RANBP2: variants seen among roughly 807,000 people sequenced by gnomAD.
The protein encoded by RANBP2 is RAN binding protein 2.
In RANBP2, 57 loss-of-function variants were observed where a neutral mutation model predicts 303.6. The observed-to-expected ratio is 0.19, with a 90% CI of 0.15 to 0.23. The LOEUF (loss-of-function observed/expected upper bound fraction) is 0.23, where lower values mean the gene tolerates loss of function less well. Among genes scored for constraint, RANBP2 ranks in the 10% least tolerant of loss-of-function variants. RANBP2 has a pLI of 1.00. For synonymous variants in RANBP2, 1,167 were observed against 1,301.5 expected, an observed-to-expected ratio of 0.90 and a Z score of 2.23; for missense variants, 3,138 against 3,780.8, an observed-to-expected ratio of 0.83 and a Z score of 4.46.
chr2:109,170,694 G>A, the RANBP2 span, among the ~76,000 whole-genome samples: 5 of 152,140 alleles, frequency 3.3e-5, no homozygotes, highest in Non-Finnish European at 1.5e-5. Flanking sequence ...ACAGTCTGAG[G>A]TTGTTATTTG....
At chr2:109,577,250 T>C in the RANBP2 span, among the ~76,000 whole-genome samples, 1 of 152,182 alleles carries the variant, frequency 6.6e-6, no homozygotes, top group Admixed American at 6.5e-5. Context: ...TTTTGGTTAA[T>C]AGATGGTAAT....
At chr2:109,129,941 G>T in the RANBP2 span, 1 of 1,472,712 alleles carries the variant, frequency 6.8e-7, no homozygotes. Flanking sequence ...CCCGGCGGCA[G>T]CCCGCCCGCG....
the RANBP2 span, among the ~76,000 whole-genome samples, chr2:109,436,115 G>T: frequency 1.3e-5 from 2 of 152,194 alleles, no homozygotes; most frequent in African/African-American, 4.8e-5. Flanking sequence ...TGGCTTCTTG[G>T]TGTGTCTTGA....
the RANBP2 span, among the ~76,000 whole-genome samples, chr2:109,378,879 A>G: frequency 3.4e-4 from 52 of 152,248 alleles, no homozygotes; most frequent in African/African-American, 1.3e-3. Flanking sequence ...GTTCCCTCAT[A>G]TGAATGCCCT....
the RANBP2 span, among the ~76,000 whole-genome samples, chr2:109,726,058 GGTGTGTGTGTGT>G: frequency 7.1e-4 from 98 of 137,100 alleles, no homozygotes; most frequent in African/African-American, 1.3e-3. Context: ...TTTTGCTTTT[GGTGTGTGTGTGT>G]GTGTGTGTGT....
At chr2:109,500,788 A>G in the RANBP2 span, among the ~76,000 whole-genome samples, 1 of 152,064 alleles carries the variant, frequency 6.6e-6, no homozygotes, top group Non-Finnish European at 1.5e-5. Context: ...ATCTCTACAA[A>G]AAAAAATTAG....
the RANBP2 span, among the ~76,000 whole-genome samples, chr2:109,674,239 A>ACC: frequency 6.8e-6 from 1 of 147,952 alleles, no homozygotes; most frequent in Non-Finnish European, 1.5e-5. Context: ...GAATTTAACA[A>ACC]CCCCCCCCCA....
the RANBP2 span, among the ~76,000 whole-genome samples, chr2:109,173,565 T>C: frequency 0.82 from 124,974 of 152,116 alleles, 51,467 homozygotes; most frequent in East Asian, 0.89. Flanking sequence ...ACAGCAGAGC[T>C]GGTGGCTGCG....
At chr2:109,443,745 C>A in the RANBP2 span, among the ~76,000 whole-genome samples, 1 of 152,098 alleles carries the variant, frequency 6.6e-6, no homozygotes, top group Non-Finnish European at 1.5e-5. Context: ...CTTCAAAATA[C>A]ATAAGCAATA....
the RANBP2 span, among the ~76,000 whole-genome samples, chr2:109,005,030 T>C: frequency 0.013 from 2,040 of 152,326 alleles, 20 homozygotes; most frequent in Non-Finnish European, 0.023. Flanking sequence ...GGTTTTCATA[T>C]AATCTCTCAC....
At chr2:109,410,389 C>T in the RANBP2 span, among the ~76,000 whole-genome samples, 5 of 152,354 alleles carry the variant, frequency 3.3e-5, no homozygotes, top group South Asian at 2.1e-4. Context: ...TCAGACTGAG[C>T]TCCAGCCCTG....
chr2:109,592,984 G>A, the RANBP2 span: 8 of 1,067,672 alleles, frequency 7.5e-6, no homozygotes, highest in Non-Finnish European at 1.1e-5. Context: ...AGCACTCCAA[G>A]TAGTTATTTT....
the RANBP2 span, among the ~76,000 whole-genome samples, chr2:109,299,524 C>A: frequency 6.6e-6 from 1 of 152,052 alleles, no homozygotes; most frequent in East Asian, 1.9e-4. Flanking sequence ...GCCTTGCACC[C>A]CAGGACAGGA....
the RANBP2 span, among the ~76,000 whole-genome samples, chr2:109,273,663 C>G: frequency 6.6e-6 from 1 of 152,126 alleles, no homozygotes; most frequent in Non-Finnish European, 1.5e-5. Flanking sequence ...ATTAAACATG[C>G]GCAACTGCTG....
At chr2:109,735,252 C>CATGTG in the RANBP2 span, among the ~76,000 whole-genome samples, 3 of 152,158 alleles carry the variant, frequency 2.0e-5, no homozygotes, top group Admixed American at 1.3e-4. Flanking sequence ...TAAGTGAGAA[C>CATGTG]ATGTGGTATT....
chr2:108,867,660 TC>T, the RANBP2 span, among the ~76,000 whole-genome samples: 2 of 152,180 alleles, frequency 1.3e-5, no homozygotes, highest in Non-Finnish European at 2.9e-5. Flanking sequence ...AGAGGAAAAT[TC>T]ATTTGGGTGT....
intron 7 of RANBP2, among the ~76,000 whole-genome samples, chr2:108,742,060 G>C (rs190202120): frequency 3.4e-4 from 50 of 148,918 alleles, no homozygotes; most frequent in South Asian, 8.6e-4. Context: ...GCAGTGGCGC[G>C]ATCTGGCTCA....
chr2:109,631,380 T>C, the RANBP2 span, among the ~76,000 whole-genome samples: 1 of 152,270 alleles, frequency 6.6e-6, no homozygotes. Flanking sequence ...AGAAGTCTTA[T>C]TTGTAATCCC....
At chr2:109,621,914 A>AAAAT in the RANBP2 span, among the ~76,000 whole-genome samples, 12,315 of 146,508 alleles carry the variant, frequency 0.084, 925 homozygotes, top group East Asian at 0.23. Context: ...CTCCATCTCA[A>AAAAT]AAATAAATAA....
Sources: allele counts gnomAD v4.1 joint callset (sites outside exome capture counted in the v4.1 genomes callset), GRCh38; gene constraint gnomAD v4.1.1; transcripts MANE v1.5; gene names NCBI Gene and HGNC (gene_info 2026-07-23, HGNC 2026-07-21).